The following NEBL variants were observed in gnomAD, a reference collection of about 807,000 sequenced individuals.
NEBL encodes LIM and SH3 protein 2.
In NEBL, 122 loss-of-function variants were observed where a neutral mutation model predicts 140.2. The observed-to-expected ratio is 0.87, with a 90% CI of 0.75 to 1.01. The LOEUF is 1.01. NEBL is among the 50% of genes least tolerant of loss of function. NEBL has a pLI of 0.00. For missense variants in NEBL, 1,365 were observed against 1,231.3 expected, an observed-to-expected ratio of 1.11 and a Z score of -1.62; for synonymous variants, 436 against 398.9, an observed-to-expected ratio of 1.09 and a Z score of -1.11.
chr10:21,286,354 A>G (rs1003784244), intron 1 of NEBL, among the ~76,000 whole-genome samples: 1 of 152,172 alleles, frequency 6.6e-6, no homozygotes, highest in African/African-American at 2.4e-5. Flanking sequence ...AACATTCTCC[A>G]TTTGTGGGGC....
chr10:21,266,904 G>A (rs896554014), intron 1 of NEBL, among the ~76,000 whole-genome samples: 4 of 152,108 alleles, frequency 2.6e-5, no homozygotes, highest in Non-Finnish European at 4.4e-5. Context: ...AGCCTCCAGA[G>A]TAGCTGGGAT....
intron 2 of NEBL, among the ~76,000 whole-genome samples, chr10:21,154,933 G>T (rs1348197421): frequency 6.6e-6 from 1 of 152,204 alleles, no homozygotes; most frequent in Non-Finnish European, 1.5e-5. Flanking sequence ...GGGCGTAGTG[G>T]CTCACGCCTG....
chr10:21,216,382 G>A (rs1310226707), intron 3 of NEBL, among the ~76,000 whole-genome samples: 1 of 152,168 alleles, frequency 6.6e-6, no homozygotes, highest in Non-Finnish European at 1.5e-5. Context: ...TTGGCCGGGT[G>A]CAGTATCTCA....
In NEBL at chr10:20,952,402, A is replaced by T. The variant is rs1835519788; in HGVS notation, c.357+9270T>A. Among the ~76,000 whole-genome samples the T allele has an allele frequency of 2.1e-5, 3 of 144,932 alleles. No homozygotes were observed. In the South Asian group the frequency reaches 6.6e-4, roughly 32 times the overall value. On this transcript the variant is annotated intron_variant, in intron 4 of 6. Coordinates refer to the NEBL transcript ENST00000417816. ...CCATGAGCCGAAATTGTACCACTGC[A>T]CTCCAGCCTGGGCAACAGCGTGAGA...
At chr10:20,939,540 A>C (rs936212963) in intron 4 of NEBL, among the ~76,000 whole-genome samples, 2 of 152,192 alleles carry the variant, frequency 1.3e-5, no homozygotes, top group Admixed American at 6.5e-5. Flanking sequence ...TGAGCAAAAT[A>C]ACCAACTAAC....
chr10:21,203,118 T>A (rs1841768163), intron 3 of NEBL, among the ~76,000 whole-genome samples: 1 of 152,268 alleles, frequency 6.6e-6, no homozygotes, highest in Admixed American at 6.5e-5. Context: ...AATCAACTTA[T>A]TACTATATAG....
At chr10:20,887,461 C>T (rs1846634279) in intron 4 of NEBL, among the ~76,000 whole-genome samples, 2 of 118,492 alleles carry the variant, frequency 1.7e-5, no homozygotes, top group African/African-American at 6.7e-5. Context: ...CTCTGTTGCT[C>T]TAGTTGGAGT....
intron 3 of NEBL, among the ~76,000 whole-genome samples, chr10:21,005,335 T>C (rs915307701): frequency 6.6e-6 from 1 of 152,190 alleles, no homozygotes; most frequent in African/African-American, 2.4e-5. Context: ...GCTGGTCAAA[T>C]TGGCCAGATT....
rs1554819369 is a variant in NEBL at position 21,028,254 on chromosome 10, A to AGAAGAAGAAGAAG, written c.165-8054_165-8053insCTTCTTCTTCTTC. On this transcript the variant is annotated intron_variant, in intron 2 of 6. Coordinates refer to the NEBL transcript ENST00000417816. Reference sequence around the variant, plus strand: ...ACATCTCAAAAAAAAAAAAAAAAAAAAAGAAGAAGAAGAAGAAGAAGAATG... The same window carrying AGAAGAAGAAGAAG: ...ACATCTCAAAAAAAAAAAAAAAAAAAGAAGAAGAAGAAGAAGAAGAAGAAGAAGAAGAAGAATG... Among the ~76,000 whole-genome samples, 146 of 70,316 alleles carry AGAAGAAGAAGAAG rather than the reference A, an allele frequency of 2.1e-3. 1 individual carries two copies. Among genetic ancestry groups the AGAAGAAGAAGAAG allele is most frequent in the Middle Eastern group, 7.7e-3 (1 of 130 alleles). 46.1% of individuals were successfully genotyped at this position (70,316 alleles called of 152,430 possible).
chr10:20,944,763 C>G (rs1350170407), intron 4 of NEBL, among the ~76,000 whole-genome samples: 1 of 152,128 alleles, frequency 6.6e-6, no homozygotes, highest in Non-Finnish European at 1.5e-5. Flanking sequence ...ATAAAAGTGC[C>G]TAAGTTAGTT....
At chr10:20,951,812 CA>C (rs1835481863) in intron 4 of NEBL, among the ~76,000 whole-genome samples, 1 of 152,078 alleles carries the variant, frequency 6.6e-6, no homozygotes, top group South Asian at 2.1e-4. Flanking sequence ...GGCTATGTCC[CA>C]AAAGGTATAA....
chr10:21,132,301 C>T (rs1237709038), intron 2 of NEBL, among the ~76,000 whole-genome samples: 1 of 152,158 alleles, frequency 6.6e-6, no homozygotes, highest in African/African-American at 2.4e-5. Context: ...GTTATATTAA[C>T]AGCATGATCA....
At chr10:21,077,013 C>T (rs1324802180) in intron 2 of NEBL, among the ~76,000 whole-genome samples, 1 of 152,144 alleles carries the variant, frequency 6.6e-6, no homozygotes, top group Non-Finnish European at 1.5e-5. Flanking sequence ...CATACTGCCA[C>T]TGAACTGTCC....
chr10:20,969,868 C>T (rs529127393), intron 3 of NEBL, among the ~76,000 whole-genome samples: 2 of 152,090 alleles, frequency 1.3e-5, no homozygotes, highest in South Asian at 4.1e-4. Context: ...TTCAATTTCT[C>T]AATCAGTTAA....
chr10:21,108,495 G>A (rs911778439), intron 2 of NEBL, among the ~76,000 whole-genome samples: 10 of 152,158 alleles, frequency 6.6e-5, no homozygotes, highest in Non-Finnish European at 1.2e-4. Flanking sequence ...TTAATCCTGA[G>A]TTCCAATTTG....
intron 26 of NEBL, among the ~76,000 whole-genome samples, chr10:20,792,668 C>T (rs1405501580): frequency 1.3e-5 from 2 of 152,038 alleles, no homozygotes; most frequent in African/African-American, 2.4e-5. Flanking sequence ...GGCTTGGTGG[C>T]AGGTACCTGT....
At chr10:21,008,252 CCT>C (rs1198457350) in intron 3 of NEBL, among the ~76,000 whole-genome samples, 1 of 152,000 alleles carries the variant, frequency 6.6e-6, no homozygotes, top group Non-Finnish European at 1.5e-5. Context: ...ACAGTAGTCC[CCT>C]CTTATCCCTA....
intron 1 of NEBL, among the ~76,000 whole-genome samples, chr10:21,266,186 G>A (rs538986905): frequency 6.6e-6 from 1 of 152,116 alleles, no homozygotes; most frequent in Admixed American, 6.6e-5. Context: ...TGTCATCCAG[G>A]CTGGACTGCA....
At chr10:21,035,984 G>C (rs1001446610) in intron 2 of NEBL, among the ~76,000 whole-genome samples, 2 of 151,944 alleles carry the variant, frequency 1.3e-5, no homozygotes, top group African/African-American at 2.4e-5. Flanking sequence ...CCAACATGGT[G>C]AAATCCCATT....
Sources: gnomAD v4.1 joint callset for allele counts (sites outside exome capture counted in the v4.1 genomes callset) on GRCh38, gnomAD v4.1.1 for gene constraint, MANE v1.5 for transcripts, NCBI Gene and HGNC (gene_info 2026-07-23, HGNC 2026-07-21) for gene names.